Variants in NDUFS4 observed in about 807,000 individuals in gnomAD.
NDUFS4 encodes NADH:ubiquinone oxidoreductase subunit S4.
A neutral mutation model predicts 24.3 loss-of-function variants in NDUFS4; 28 were observed. That is an observed-to-expected ratio of 1.15 (90% confidence interval 0.85 to 1.58). The LOEUF is 1.58. Ranked by LOEUF, NDUFS4 falls within the 40% of genes most tolerant of loss-of-function variation. The pLI, the probability that NDUFS4 is intolerant of heterozygous loss-of-function variation, is 0.00. For synonymous variants in NDUFS4, 93 were observed against 69.7 expected (o/e 1.34, Z -1.67); for missense variants, 223 against 207.9 (o/e 1.07, Z -0.45).
intron 1 of NDUFS4, among the ~76,000 whole-genome samples, chr5:53,563,046 G>A (rs1321664874): frequency 6.6e-6 from 1 of 151,918 alleles, no homozygotes; most frequent in Non-Finnish European, 1.5e-5. Flanking sequence ...TGGCCAACAC[G>A]GTGAAACCCC....
At chr5:53,652,392 T>C (rs1409086777) in intron 3 of NDUFS4, among the ~76,000 whole-genome samples, 2 of 152,144 alleles carry the variant, frequency 1.3e-5, no homozygotes, top group East Asian at 1.9e-4. Context: ...ACAGTAATTT[T>C]ACAGTAATTT....
chr5:53,654,289 GT>G (rs1385615109), intron 3 of NDUFS4, among the ~76,000 whole-genome samples: 2 of 151,942 alleles, frequency 1.3e-5, no homozygotes, highest in Non-Finnish European at 2.9e-5. Context: ...CCAATTATAT[GT>G]TTTATAATTG....
chr5:53,664,142 A>G (rs1395125209), intron 4 of NDUFS4, among the ~76,000 whole-genome samples: 2 of 152,158 alleles, frequency 1.3e-5, no homozygotes, highest in Non-Finnish European at 2.9e-5. Context: ...CTTTTCTTTA[A>G]GAATGTTGAA....
At chr5:53,560,880 G>C in intron 1 of NDUFS4, 120 bp downstream of exon 1, 1 of 1,550,000 alleles carries the variant, frequency 6.5e-7, no homozygotes, top group Non-Finnish European at 8.7e-7. Flanking sequence ...CCCTTTTCTC[G>C]GGAGAAGTCG....
intron 1 of NDUFS4, among the ~76,000 whole-genome samples, chr5:53,579,809 A>G (rs933539196): frequency 5.9e-5 from 9 of 152,208 alleles, no homozygotes; most frequent in East Asian, 1.9e-4. Context: ...TGTAATCACA[A>G]TGGTCCTTAT....
At chr5:53,590,481 G>A (rs1429048231) in intron 1 of NDUFS4, among the ~76,000 whole-genome samples, 3 of 152,140 alleles carry the variant, frequency 2.0e-5, no homozygotes, top group Admixed American at 2.0e-4. Context: ...GCAAGCACTA[G>A]TAGTTTTTAA....
At chr5:53,670,914 G>C (rs1433578412) in intron 4 of NDUFS4, among the ~76,000 whole-genome samples, 1 of 150,836 alleles carries the variant, frequency 6.6e-6, no homozygotes, top group Non-Finnish European at 1.5e-5. Context: ...TTACTATATA[G>C]ATATATGGAA....
At chr5:53,606,711 A>G (rs1395083944) in intron 2 of NDUFS4, among the ~76,000 whole-genome samples, 1 of 152,188 alleles carries the variant, frequency 6.6e-6, no homozygotes, top group African/African-American at 2.4e-5. Context: ...GACTATCACT[A>G]AGACAGCACT....
At chr5:53,669,656 T>C (rs982667451) in intron 4 of NDUFS4, among the ~76,000 whole-genome samples, 2 of 152,134 alleles carry the variant, frequency 1.3e-5, no homozygotes, top group Non-Finnish European at 2.9e-5. Context: ...ACACACCCTA[T>C]TGTATGTCAG....
intron 2 of NDUFS4, among the ~76,000 whole-genome samples, chr5:53,616,672 C>G (rs1182217266): frequency 6.6e-6 from 1 of 152,044 alleles, no homozygotes; most frequent in Non-Finnish European, 1.5e-5. Flanking sequence ...GGAGCTGGAT[C>G]AGGTAAGAAG....
chr5:53,675,398 G>A lies in NDUFS4; in HGVS notation c.425-7720G>A, dbSNP rs183574697. ...AGGATGTTCTCGATTTCCTGACCTC[G>A]TGATCCGCCCGCCTTGGCCTCCCAA... On this transcript the variant is annotated intron_variant, in intron 4 of 4. Transcript: ENST00000296684. 1.7e-4 allele frequency among the ~76,000 whole-genome samples: 26 copies of A among 152,106 alleles called. No individual in the cohort carries two copies. In the East Asian group the frequency reaches 3.3e-3, roughly 19 times the overall value.
At chr5:53,612,770 T>G (rs995497704) in intron 2 of NDUFS4, among the ~76,000 whole-genome samples, 1 of 152,154 alleles carries the variant, frequency 6.6e-6, no homozygotes, top group African/African-American at 2.4e-5. Context: ...ATTGCTGTGT[T>G]AGAATGTCTG....
At chr5:53,632,320 A>G (rs548926010) in intron 2 of NDUFS4, among the ~76,000 whole-genome samples, 17 of 152,334 alleles carry the variant, frequency 1.1e-4, no homozygotes, top group Admixed American at 3.9e-4. Context: ...AGTGATTGAT[A>G]TTAAGCATTG....
At chr5:53,655,366 A>G (rs910536281) in intron 3 of NDUFS4, among the ~76,000 whole-genome samples, 1 of 117,312 alleles carries the variant, frequency 8.5e-6, no homozygotes, top group South Asian at 2.6e-4. Context: ...AGTTTTGCCT[A>G]TTTTTTTTTT....
At chr5:53,665,298 C>T (rs1187616173) in intron 4 of NDUFS4, among the ~76,000 whole-genome samples, 1 of 152,218 alleles carries the variant, frequency 6.6e-6, no homozygotes, top group Non-Finnish European at 1.5e-5. Context: ...AGGAGGCAGT[C>T]TGTCCGTTCT....
chr5:53,627,325 G>T (rs1751260793), intron 2 of NDUFS4, among the ~76,000 whole-genome samples: 1 of 152,110 alleles, frequency 6.6e-6, no homozygotes, highest in Non-Finnish European at 1.5e-5. Context: ...GATACCTCTA[G>T]CTTTGTTCTT....
intron 2 of NDUFS4, among the ~76,000 whole-genome samples, chr5:53,638,277 A>G (rs1751613594): frequency 6.6e-6 from 1 of 152,156 alleles, no homozygotes; most frequent in South Asian, 2.1e-4. Context: ...TTGAGAGACA[A>G]ATCCTTTGAG....
At chr5:53,660,994 CT>C (rs1752326009) in intron 4 of NDUFS4, among the ~76,000 whole-genome samples, 1 of 152,270 alleles carries the variant, frequency 6.6e-6, no homozygotes, top group Non-Finnish European at 1.5e-5. Context: ...TGCAGAAACT[CT>C]TTAGTTTGAT....
At position 53,597,742 on chromosome 5, in the gene NDUFS4, A is replaced by G. The variant is rs540998473; in HGVS notation, c.99-5710A>G. On this transcript the variant is annotated intron_variant, in intron 1 of 4. Coordinates refer to ENST00000296684, the MANE Select transcript of NDUFS4 (RefSeq NM_002495.4). ...CGCTAAGCATCATCCATGAACGAAA[A>G]ATGCATCAGTTAGGCTTCATTAAGA... Among the ~76,000 whole-genome samples the G allele has an allele frequency of 1.1e-4, 17 of 152,318 alleles. No homozygotes were observed. The East Asian group carries it at 3.3e-3, about 29-fold the overall frequency.
Sources: allele counts gnomAD v4.1 joint callset (sites outside exome capture counted in the v4.1 genomes callset), GRCh38; gene constraint gnomAD v4.1.1; transcripts MANE v1.5; gene names NCBI Gene and HGNC (gene_info 2026-07-23, HGNC 2026-07-21).